Variants in SUCLG2 observed in about 807,000 individuals in gnomAD.
The protein encoded by SUCLG2 is succinate-CoA ligase GDP-forming subunit beta.
Under a neutral mutation model 47.9 loss-of-function variants are expected in SUCLG2, and 42 were observed. The ratio of observed to expected loss-of-function variants is 0.88; its 90% confidence interval spans 0.69 to 1.14. The LOEUF is 1.14. Among genes scored for constraint, SUCLG2 ranks in the 50% most tolerant of loss-of-function variants. The probability of loss-of-function intolerance (pLI) is 0.00; values close to 1 mark genes in which losing one functional copy is unlikely to be tolerated. For missense variants in SUCLG2, 571 were observed against 525.9 expected, an observed-to-expected ratio of 1.09 and a Z score of -0.84; for synonymous variants, 195 against 197.3, an observed-to-expected ratio of 0.99 and a Z score of 0.10.
intron 2 of SUCLG2, among the ~76,000 whole-genome samples, chr3:67,530,368 G>C (rs1488099341): frequency 6.6e-6 from 1 of 152,132 alleles, no homozygotes; most frequent in African/African-American, 2.4e-5. Flanking sequence ...GCCTCGACCA[G>C]TTAGTTCATT....
chr3:67,542,988 C>T (rs1706758502), intron 2 of SUCLG2, among the ~76,000 whole-genome samples: 2 of 152,196 alleles, frequency 1.3e-5, no homozygotes, highest in African/African-American at 4.8e-5. Context: ...ATCTACAGAA[C>T]TCTCCACCCC....
chr3:67,453,508 G>T (rs1037668649), intron 9 of SUCLG2, among the ~76,000 whole-genome samples: 1 of 152,162 alleles, frequency 6.6e-6, no homozygotes, highest in African/African-American at 2.4e-5. Context: ...CCACCCTCAT[G>T]AGCTAATCAA....
intron 9 of SUCLG2, among the ~76,000 whole-genome samples, chr3:67,458,867 T>C (rs1351679546): frequency 6.6e-6 from 1 of 152,236 alleles, no homozygotes; most frequent in Non-Finnish European, 1.5e-5. Flanking sequence ...ATGGCAAATG[T>C]AAATATTACC....
At chr3:67,492,465 T>C (rs927185082) in intron 9 of SUCLG2, among the ~76,000 whole-genome samples, 1 of 152,222 alleles carries the variant, frequency 6.6e-6, no homozygotes, top group African/African-American at 2.4e-5. Context: ...TTCTTTTAAA[T>C]GTCTTTAAAT....
intron 9 of SUCLG2, among the ~76,000 whole-genome samples, chr3:67,444,261 A>T (rs1703865061): frequency 1.8e-5 from 1 of 55,208 alleles, no homozygotes; most frequent in Admixed American, 1.9e-4. Flanking sequence ...CAGCCCGGCC[A>T]GCCACCCCGT....
chr3:67,391,559 G>A (rs1702383241), intron 10 of SUCLG2, among the ~76,000 whole-genome samples: 1 of 152,180 alleles, frequency 6.6e-6, no homozygotes, highest in Non-Finnish European at 1.5e-5. Context: ...AAGACCAAGA[G>A]ATGAGAGCAG....
chr3:67,422,472 T>TAAAAA (rs1559520249), intron 9 of SUCLG2, among the ~76,000 whole-genome samples: 3 of 12,322 alleles, frequency 2.4e-4, no homozygotes, highest in African/African-American at 1.1e-3. Context: ...AGACTCCATC[T>TAAAAA]CAAAAAAAAA....
intron 6 of SUCLG2, among the ~76,000 whole-genome samples, chr3:67,511,677 C>T (rs1031628220): frequency 3.3e-5 from 5 of 152,126 alleles, no homozygotes; most frequent in Admixed American, 6.5e-5. Flanking sequence ...TGAGAACAGA[C>T]GAGTACACTC....
chr3:67,614,681 A>G, intron 1 of SUCLG2, among the ~76,000 whole-genome samples: 1 of 151,970 alleles, frequency 6.6e-6, no homozygotes, highest in Non-Finnish European at 1.5e-5. Context: ...GGTCTTTGGG[A>G]CCCTATACTG....
At chr3:67,585,831 G>A (rs1707999530) in intron 2 of SUCLG2, among the ~76,000 whole-genome samples, 1 of 151,970 alleles carries the variant, frequency 6.6e-6, no homozygotes, top group African/African-American at 2.4e-5. Context: ...GGGCATCCAT[G>A]TGGTGGGTGC....
chr3:67,554,223 T>C (rs1196788123), intron 2 of SUCLG2, among the ~76,000 whole-genome samples: 2 of 152,190 alleles, frequency 1.3e-5, no homozygotes, highest in Non-Finnish European at 2.9e-5. Context: ...TGCTACTACA[T>C]GTTTTTACCA....
At chr3:67,630,528 A>T (rs1008525952) in intron 1 of SUCLG2, among the ~76,000 whole-genome samples, 2 of 152,260 alleles carry the variant, frequency 1.3e-5, no homozygotes, top group Admixed American at 6.5e-5. Flanking sequence ...ATGTCCATTC[A>T]TTTGATAAAC....
intron 2 of SUCLG2, among the ~76,000 whole-genome samples, chr3:67,539,395 C>T (rs1706637870): frequency 6.6e-6 from 1 of 152,104 alleles, no homozygotes; most frequent in Admixed American, 6.5e-5. Flanking sequence ...AGCTTGGCAT[C>T]CCAGGGATGA....
chr3:67,430,525 A>T (rs1365604161), intron 9 of SUCLG2, among the ~76,000 whole-genome samples: 1 of 152,204 alleles, frequency 6.6e-6, no homozygotes, highest in African/African-American at 2.4e-5. Context: ...ACACCCTAAC[A>T]TCACAATTAA....
At chr3:67,512,957 C>A (rs1705837402) in intron 6 of SUCLG2, among the ~76,000 whole-genome samples, 1 of 150,274 alleles carries the variant, frequency 6.7e-6, no homozygotes, top group Non-Finnish European at 1.5e-5. Flanking sequence ...ATATATATCT[C>A]CATATATATG....
chr3:67,646,752 T>C (rs188250156), intron 1 of SUCLG2, among the ~76,000 whole-genome samples: 1 of 152,278 alleles, frequency 6.6e-6, no homozygotes, highest in Admixed American at 6.5e-5. Context: ...GCAGTCTGAT[T>C]CCACTCACGG....
At chr3:67,563,649 C>T (rs903036014) in intron 2 of SUCLG2, among the ~76,000 whole-genome samples, 1 of 152,126 alleles carries the variant, frequency 6.6e-6, no homozygotes, top group Non-Finnish European at 1.5e-5. Flanking sequence ...TGAACTTTAG[C>T]ATATGCTAGA....
chr3:67,396,446 C>A (rs1179605557), intron 10 of SUCLG2, among the ~76,000 whole-genome samples: 1 of 152,132 alleles, frequency 6.6e-6, no homozygotes, highest in African/African-American at 2.4e-5. Context: ...TTCCTTGACA[C>A]ATACACCCTC....
At chr3:67,607,098 G>A (rs1038463333) in intron 2 of SUCLG2, among the ~76,000 whole-genome samples, 17 of 152,296 alleles carry the variant, frequency 1.1e-4, no homozygotes, top group African/African-American at 3.8e-4. Context: ...GGACAAGACT[G>A]AGTAGCAGAC....
Sources: allele counts gnomAD v4.1 joint callset (sites outside exome capture counted in the v4.1 genomes callset), GRCh38; gene constraint gnomAD v4.1.1; transcripts MANE v1.5; gene names NCBI Gene and HGNC (gene_info 2026-07-23, HGNC 2026-07-21).